The following PALMD variants were observed in gnomAD, a reference collection of about 807,000 sequenced individuals.
PALMD encodes palmdelphin.
A neutral mutation model predicts 56.2 loss-of-function variants in PALMD; 42 were observed. That is an observed-to-expected ratio of 0.75 (90% CI 0.58 to 0.97). The LOEUF (loss-of-function observed/expected upper bound fraction) is 0.97, where lower values mean the gene tolerates loss of function less well. Among genes scored for constraint, PALMD ranks in the 50% least tolerant of loss-of-function variants. The pLI is 0.00. For synonymous variants in PALMD, 242 were observed against 222.9 expected, an observed-to-expected ratio of 1.09 and a Z score of -0.76; for missense variants, 660 against 643.8, an observed-to-expected ratio of 1.03 and a Z score of -0.27.
At chr1:99,673,985 C>A (rs185731153) in intron 3 of PALMD, among the ~76,000 whole-genome samples, 1 of 152,074 alleles carries the variant, frequency 6.6e-6, no homozygotes, top group Non-Finnish European at 1.5e-5. Flanking sequence ...AAAAGGAAAG[C>A]CTTGAAACTC....
At chr1:99,646,420 T>C in intron 1 of PALMD, 58 bp downstream of exon 1, 1 of 1,364,868 alleles carries the variant, frequency 7.3e-7, no homozygotes, top group Admixed American at 1.7e-5. Flanking sequence ...AGGCAGACCG[T>C]GGCCGGCTGC....
At chr1:99,666,572 C>A (rs1250834510) in intron 2 of PALMD, among the ~76,000 whole-genome samples, 1 of 151,990 alleles carries the variant, frequency 6.6e-6, no homozygotes, top group Non-Finnish European at 1.5e-5. Flanking sequence ...AAAGAAGTCC[C>A]AGAAAATAAA....
At chr1:99,670,319 T>C (rs1261530459) in intron 3 of PALMD, among the ~76,000 whole-genome samples, 2 of 152,154 alleles carry the variant, frequency 1.3e-5, no homozygotes, top group Non-Finnish European at 2.9e-5. Flanking sequence ...ATAATAATAG[T>C]AATGGTTCAT....
At chr1:99,667,404 G>C (rs946466739) in intron 2 of PALMD, among the ~76,000 whole-genome samples, 2 of 152,124 alleles carry the variant, frequency 1.3e-5, no homozygotes, top group Non-Finnish European at 2.9e-5. Context: ...TGCCAAAGGA[G>C]AGACCCAAAC....
chr1:99,678,165 G>A (rs947273219), intron 3 of PALMD, among the ~76,000 whole-genome samples: 2 of 149,332 alleles, frequency 1.3e-5, no homozygotes, highest in Admixed American at 6.7e-5. Context: ...CTGGAGTGCC[G>A]TGGCATGAAC....
intron 2 of PALMD, among the ~76,000 whole-genome samples, chr1:99,664,707 T>C (rs1209185333): frequency 6.6e-6 from 1 of 152,212 alleles, no homozygotes; most frequent in Non-Finnish European, 1.5e-5. Context: ...TACAATGTCT[T>C]CACCAAATTA....
chr1:99,646,197 T>C lies in PALMD; in HGVS notation c.-121T>C. On this transcript the variant is annotated 5_prime_UTR_variant, in exon 1 of 8. Transcript: ENST00000263174. ...GGGAATTTCTCTATTTCTCCACTGGTGCAAAGAGCGGATTTCTCCCTGCTT... is the reference window on the plus strand; with the variant it reads ...GGGAATTTCTCTATTTCTCCACTGGCGCAAAGAGCGGATTTCTCCCTGCTT... 1.3e-6 allele frequency: 1 copy of C among 781,650 alleles called. No homozygotes were observed. Among genetic ancestry groups the C allele is most frequent in the Non-Finnish European group, 2.2e-6 (1 of 445,188 alleles). 48.4% of individuals were successfully genotyped at this position (781,650 alleles called of 1,614,324 possible).
At chr1:99,670,134 A>G (rs1000409931) in intron 3 of PALMD, among the ~76,000 whole-genome samples, 10 of 152,096 alleles carry the variant, frequency 6.6e-5, no homozygotes, top group Non-Finnish European at 1.3e-4. Flanking sequence ...AAAATCTCCA[A>G]CCACACTTAG....
chr1:99,667,706 T>A lies in PALMD; in HGVS notation c.191T>A (p.Met64Lys). The change falls in exon 3 of 8, where the codon ATG (methionine) becomes AAG (lysine). Residue 64 changes from methionine to lysine, a missense_variant. Met to Lys is a moderately conservative substitution (Grantham distance 95, BLOSUM62 -1). Transcript: ENST00000263174. Reference sequence around the variant, plus strand: ...AGCAGCGGAAAAGAACAGGAAGAGATGAAGAAGCAAAATCAACAAGACCAG... The same window carrying A: ...AGCAGCGGAAAAGAACAGGAAGAGAAGAAGAAGCAAAATCAACAAGACCAG... ...GISSGKEQEEMKKQNQQDQHQ... is the reference protein window; with the variant it reads ...GISSGKEQEEKKKQNQQDQHQ... 5 of 1,613,576 alleles carry A rather than the reference T, an allele frequency of 3.1e-6. No homozygotes were observed. Among genetic ancestry groups the A allele is most frequent in the Non-Finnish European group, 4.2e-6 (5 of 1,179,674 alleles).
chr1:99,681,152 T>TAGAGAGAGA (rs774431545), intron 3 of PALMD, among the ~76,000 whole-genome samples: 2,362 of 146,022 alleles, frequency 0.016, 41 homozygotes, highest in African/African-American at 0.054. Context: ...TATATATATA[T>TAGAGAGAGA]GTATAGAGCC....
chr1:99,646,931 C>T (rs1156429883), intron 1 of PALMD, among the ~76,000 whole-genome samples: 4 of 152,072 alleles, frequency 2.6e-5, no homozygotes, highest in Non-Finnish European at 5.9e-5. Flanking sequence ...CAGATTAATT[C>T]TAAGATATCA....
intron 2 of PALMD, among the ~76,000 whole-genome samples, chr1:99,665,154 A>G (rs834980): frequency 0.69 from 104,763 of 151,906 alleles, 36,818 homozygotes; most frequent in African/African-American, 0.82. Context: ...TTCAATCTAC[A>G]AAAAACCAAT....
chr1:99,654,050 GAAGA>G (rs1238205379), intron 1 of PALMD, among the ~76,000 whole-genome samples: 3 of 151,832 alleles, frequency 2.0e-5, no homozygotes, highest in Non-Finnish European at 2.9e-5. Context: ...AAGCAATAAG[GAAGA>G]AAGAAAATAA....
intron 3 of PALMD, among the ~76,000 whole-genome samples, chr1:99,682,030 T>C: frequency 6.6e-6 from 1 of 152,186 alleles, no homozygotes. Context: ...TGGAGGAGGT[T>C]GCGGGGGTTC....
intron 2 of PALMD, among the ~76,000 whole-genome samples, chr1:99,665,484 G>A (rs68063161): frequency 0.069 from 10,568 of 152,084 alleles, 545 homozygotes; most frequent in Admixed American, 0.16. Context: ...AGTTCTCCAC[G>A]AGGCATAAAT....
chr1:99,688,010 T>C (rs1450268577), intron 6 of PALMD, among the ~76,000 whole-genome samples: 1 of 152,130 alleles, frequency 6.6e-6, no homozygotes, highest in Non-Finnish European at 1.5e-5. Context: ...CGCTTTACCT[T>C]TCCTATTGAA....
Position 99,689,257 on chromosome 1 carries a change from A to T in PALMD, c.997A>T (p.Ile333Phe), listed in dbSNP as rs375475859. Residue 333 changes from isoleucine to phenylalanine, a missense_variant, in exon 7 of 8, where the codon ATT becomes TTT. Ile to Phe is a conservative substitution (Grantham distance 21). Coordinates refer to ENST00000263174, the MANE Select transcript of PALMD (RefSeq NM_017734.5). ...IPPVPHPRSV[I>F]QQAEEKLHTP... ...GCCAGTGCCTCATCCCCGATCAGTG[A>T]TTCAACAAGCAGAAGAGAAGCTTCA... The T allele has an allele frequency of 1.9e-5, 31 of 1,613,504 alleles. No individual in the cohort carries two copies. The highest frequency in any genetic ancestry group is 2.4e-5 in the Non-Finnish European group (28 of 1,179,862).
At chr1:99,650,720 T>G (rs1401177708) in intron 1 of PALMD, among the ~76,000 whole-genome samples, 8 of 152,328 alleles carry the variant, frequency 5.3e-5, no homozygotes, top group Non-Finnish European at 8.8e-5. Flanking sequence ...CAACAGAGCT[T>G]TGATCTAAGT....
At chr1:99,690,786 T>C (rs546057179) in intron 7 of PALMD, among the ~76,000 whole-genome samples, 1 of 152,294 alleles carries the variant, frequency 6.6e-6, no homozygotes, top group Non-Finnish European at 1.5e-5. Flanking sequence ...TAATTTTAAA[T>C]GTCTCTAATG....
Sources: allele counts gnomAD v4.1 joint callset (sites outside exome capture counted in the v4.1 genomes callset), GRCh38; gene constraint gnomAD v4.1.1; transcripts MANE v1.5; gene names NCBI Gene and HGNC (gene_info 2026-07-23, HGNC 2026-07-21).